DEFB124: variants seen among roughly 807,000 people sequenced by gnomAD.
DEFB124 encodes beta-defensin 124.
For missense variants in DEFB124, 78 were observed against 83.1 expected, an observed-to-expected ratio of 0.94 and a Z score of 0.24; for synonymous variants, 38 against 36.5, an observed-to-expected ratio of 1.04 and a Z score of -0.15.
At chr20:31,469,451 T>C (rs539347118) in intron 2 of DEFB124, among the ~76,000 whole-genome samples, 2 of 152,022 alleles carry the variant, frequency 1.3e-5, no homozygotes, top group Non-Finnish European at 2.9e-5. Flanking sequence ...TTTTTTTTTT[T>C]AATTTTTATT....
intron 2 of DEFB124, among the ~76,000 whole-genome samples, chr20:31,471,570 G>T (rs1283283673): frequency 6.7e-6 from 1 of 150,130 alleles, no homozygotes. Flanking sequence ...CCCGGACGGG[G>T]CGGCTGCCGG....
At chr20:31,468,190 TC>T (rs890320436) in intron 2 of DEFB124, among the ~76,000 whole-genome samples, 1 of 152,008 alleles carries the variant, frequency 6.6e-6, no homozygotes, top group African/African-American at 2.4e-5. Context: ...TCCTTTGTGC[TC>T]CCCCCGCTAG....
intron 2 of DEFB124, among the ~76,000 whole-genome samples, chr20:31,467,848 G>C (rs1269807214): frequency 1.3e-5 from 2 of 152,058 alleles, no homozygotes; most frequent in Admixed American, 1.3e-4. Flanking sequence ...TAATTCCTAG[G>C]CTCAAGCAAT....
At chr20:31,474,581 T>C (rs967023749) in intron 1 of DEFB124, among the ~76,000 whole-genome samples, 46 bp downstream of exon 1, 12 of 152,236 alleles carry the variant, frequency 7.9e-5, no homozygotes, top group African/African-American at 2.9e-4. Flanking sequence ...TCCTGGCCCC[T>C]TGGATGGCCG....
chr20:31,470,610 C>A (rs1323603602), intron 2 of DEFB124, among the ~76,000 whole-genome samples: 3 of 41,474 alleles, frequency 7.2e-5, no homozygotes, highest in Non-Finnish European at 1.3e-4. Flanking sequence ...GGGCTGACCC[C>A]CCCCCCCACC....
intron 2 of DEFB124, among the ~76,000 whole-genome samples, chr20:31,470,221 C>T (rs1380168938): frequency 1.4e-5 from 2 of 146,832 alleles, no homozygotes; most frequent in Non-Finnish European, 3.0e-5. Context: ...CCCCCACCTC[C>T]CTCCTGGACA....
intron 2 of DEFB124, among the ~76,000 whole-genome samples, chr20:31,471,059 C>G (rs1212204388): frequency 8.8e-6 from 1 of 113,778 alleles, no homozygotes; most frequent in Non-Finnish European, 2.0e-5. Flanking sequence ...GGGGGCTGAC[C>G]CCCCCCACCT....
chr20:31,473,121 G>A, intron 1 of DEFB124, 83 bp from the exon 2 acceptor site: 1 of 1,285,614 alleles, frequency 7.8e-7, no homozygotes, highest in Admixed American at 2.0e-5. Flanking sequence ...GCAGATGAAG[G>A]CAGTGCTGTG....
rs1046662639 is a variant in DEFB124 at position 31,474,801 on chromosome 20, T to A, written c.-200A>T. Reference sequence around the variant, plus strand: ...GAGCTCTCTCTTCCTCCAAGCCACCTCCCAAAATTAATTCTTCATCCAGAG... The same window carrying A: ...GAGCTCTCTCTTCCTCCAAGCCACCACCCAAAATTAATTCTTCATCCAGAG... On this transcript the variant is annotated 5_prime_UTR_variant, in exon 1 of 3. Coordinates refer to ENST00000317676, the MANE Select transcript of DEFB124 (RefSeq NM_001037500.2). Among the ~76,000 whole-genome samples, 12 of 152,330 alleles carry A rather than the reference T, an allele frequency of 7.9e-5. No individual in the cohort carries two copies. The highest frequency in any genetic ancestry group is 2.9e-4 in the African/African-American group (12 of 41,582).
chr20:31,470,538 C>T (rs375691942), intron 2 of DEFB124, among the ~76,000 whole-genome samples: 1 of 131,898 alleles, frequency 7.6e-6, no homozygotes, highest in African/African-American at 2.9e-5. Flanking sequence ...CCGGACGGGG[C>T]GGCTGGCCGG....
chr20:31,470,729 A>G (rs1980246604), intron 2 of DEFB124, among the ~76,000 whole-genome samples: 1 of 123,670 alleles, frequency 8.1e-6, no homozygotes, highest in Non-Finnish European at 1.7e-5. Flanking sequence ...TCCCTCCCGG[A>G]CGGGGTGGCT....
At chr20:31,470,276 G>A (rs1157032605) in intron 2 of DEFB124, among the ~76,000 whole-genome samples, 3 of 139,270 alleles carry the variant, frequency 2.2e-5, no homozygotes, top group Admixed American at 1.4e-4. Context: ...CCTCCCTCCC[G>A]GACGGGGCGG....
At chr20:31,470,604 TG>T (rs1980232059) in intron 2 of DEFB124, among the ~76,000 whole-genome samples, 1 of 59,158 alleles carries the variant, frequency 1.7e-5, no homozygotes, top group African/African-American at 1.2e-4. Context: ...GGCGGGGGGC[TG>T]ACCCCCCCCC....
At chr20:31,466,492 C>T (rs552708395) in intron 2 of DEFB124, among the ~76,000 whole-genome samples, 48 of 151,732 alleles carry the variant, frequency 3.2e-4, no homozygotes, top group Middle Eastern at 3.4e-3. Flanking sequence ...CCCAGCCACT[C>T]GGGGGGCTGA....
intron 2 of DEFB124, among the ~76,000 whole-genome samples, chr20:31,470,671 C>CA (rs1980242417): frequency 7.2e-6 from 1 of 138,830 alleles, no homozygotes; most frequent in Non-Finnish European, 1.6e-5. Flanking sequence ...CCCCCCACCT[C>CA]CCTCCCGGAC....
At chr20:31,472,221 C>T (rs1980343514) in intron 2 of DEFB124, among the ~76,000 whole-genome samples, 3 of 151,722 alleles carry the variant, frequency 2.0e-5, no homozygotes, top group South Asian at 4.2e-4. Flanking sequence ...GCCAACACAG[C>T]GAAACCCCAT....
chr20:31,470,094 C>A (rs1165613548), intron 2 of DEFB124, among the ~76,000 whole-genome samples: 1 of 130,258 alleles, frequency 7.7e-6, no homozygotes, highest in Admixed American at 7.3e-5. Context: ...CCCCCACCTC[C>A]CTCCCGGACG....
intron 2 of DEFB124, among the ~76,000 whole-genome samples, chr20:31,470,197 GCGGGGGGCTGAC>G: frequency 6.9e-6 from 1 of 145,366 alleles, no homozygotes; most frequent in South Asian, 2.1e-4. Context: ...GGCTGGCCGG[GCGGGGGGCTGAC>G]CCCCCCACCT....
In DEFB124 at chr20:31,474,608, C is replaced by T. The variant is rs557613929; in HGVS notation, c.-26+19G>A. ...GGATGGCCGACGTCACCAGCAATCT[C>T]TTTCCTCCTCCTCCATACCTGGGAG... On this transcript the variant is annotated intron_variant, in intron 1 of 2. Transcript: ENST00000317676. 3.3e-5 allele frequency among the ~76,000 whole-genome samples: 5 copies of T among 152,332 alleles called. No homozygotes were observed. The East Asian group carries it at 9.6e-4, about 29-fold the overall frequency.
Sources: gnomAD v4.1 joint callset for allele counts (sites outside exome capture counted in the v4.1 genomes callset) on GRCh38, gnomAD v4.1.1 for gene constraint, MANE v1.5 for transcripts, NCBI Gene and HGNC (gene_info 2026-07-23, HGNC 2026-07-21) for gene names.